The following PIEZO2 variants were observed in gnomAD, a reference collection of about 807,000 sequenced individuals.
The protein encoded by PIEZO2 is piezo type mechanosensitive ion channel component 2, also known as piezo-type mechanosensitive ion channel component 2.
Under a neutral mutation model 337.3 loss-of-function variants are expected in PIEZO2, and 172 were observed. The observed-to-expected ratio is 0.51, with a 90% CI of 0.45 to 0.58. The LOEUF (loss-of-function observed/expected upper bound fraction) is 0.58. Ranked by LOEUF, PIEZO2 falls within the 20% of genes least tolerant of loss-of-function variation. The pLI is 0.00. For synonymous variants in PIEZO2, 1,251 were observed against 1,228.5 expected, an observed-to-expected ratio of 1.02 and a Z score of -0.38; for missense variants, 3,028 against 3,391.3, an observed-to-expected ratio of 0.89 and a Z score of 2.66.
chr18:11,057,856 T>C (rs545473785), intron 2 of PIEZO2, among the ~76,000 whole-genome samples: 41 of 152,370 alleles, frequency 2.7e-4, no homozygotes, highest in Admixed American at 6.5e-4. Context: ...CTTTCACATT[T>C]TGTCATATAT....
At chr18:10,869,653 A>G (rs1445044126) in intron 5 of PIEZO2, among the ~76,000 whole-genome samples, 1 of 152,220 alleles carries the variant, frequency 6.6e-6, no homozygotes, top group Non-Finnish European at 1.5e-5. Context: ...CCTCTGTCTT[A>G]CAATTGGAAT....
intron 18 of PIEZO2, among the ~76,000 whole-genome samples, chr18:10,777,271 G>A (rs764581010): frequency 2.0e-5 from 3 of 152,158 alleles, no homozygotes; most frequent in Admixed American, 6.5e-5. Context: ...ATGTTCTAAC[G>A]GAGCAGATGA....
At chr18:11,034,711 G>A (rs1044431042) in intron 2 of PIEZO2, among the ~76,000 whole-genome samples, 1 of 152,136 alleles carries the variant, frequency 6.6e-6, no homozygotes, top group East Asian at 1.9e-4. Context: ...CAGAGGCTGG[G>A]TGCTGTGGCT....
rs112892423 is a variant in PIEZO2, at chr18:10,877,659, C to T, written c.330-6244G>A. Among the ~76,000 whole-genome samples the T allele has an allele frequency of 2.1e-3, 327 of 152,262 alleles. No individual in the cohort carries two copies. Among genetic ancestry groups the T allele is most frequent in the Non-Finnish European group, 4.0e-3 (274 of 68,010 alleles). Reference sequence around the variant, plus strand: ...AGCCCTCCCCTTTATCCCCACAGCCCGGTCTGGCCTCTGGGTGACGGTAGC... The same window carrying T: ...AGCCCTCCCCTTTATCCCCACAGCCTGGTCTGGCCTCTGGGTGACGGTAGC... On this transcript the variant is annotated intron_variant, in intron 4 of 55. Coordinates refer to ENST00000674853, the MANE Select transcript of PIEZO2 (RefSeq NM_001378183.1). This position sits in a 1 kb window ranked among gnomAD's most constrained non-coding sequence, Gnocchi z 5.3.
At chr18:10,728,954 CAAAA>C (rs143511795) in intron 36 of PIEZO2, among the ~76,000 whole-genome samples, 2 of 75,652 alleles carry the variant, frequency 2.6e-5, no homozygotes, top group African/African-American at 4.8e-5. Flanking sequence ...GACTCTGTCT[CAAAA>C]AAAAAAAAAA....
chr18:10,799,994 A>G (rs978702833), intron 11 of PIEZO2, among the ~76,000 whole-genome samples: 2 of 150,292 alleles, frequency 1.3e-5, no homozygotes, highest in African/African-American at 4.9e-5. Context: ...AAAAAAATTC[A>G]TATATTAACC....
At chr18:10,742,345 T>G in intron 32 of PIEZO2, 149 bp downstream of exon 32, 1 of 863,242 alleles carries the variant, frequency 1.2e-6, no homozygotes, top group East Asian at 2.7e-5. Flanking sequence ...AATATATCCA[T>G]TCACAATGGG....
chr18:11,034,759 C>T (rs1334036905), intron 2 of PIEZO2, among the ~76,000 whole-genome samples: 3 of 152,092 alleles, frequency 2.0e-5, no homozygotes, highest in Non-Finnish European at 2.9e-5. Context: ...GCAGGAGAAT[C>T]GCTTCAACCT....
rs982130670 is a variant in PIEZO2 at position 11,148,339 on chromosome 18, G to A, written c.64+186C>T. Among the ~76,000 whole-genome samples, 7 of 152,024 alleles carry A rather than the reference G, an allele frequency of 4.6e-5. No homozygotes were observed. Among genetic ancestry groups the A allele is most frequent in the African/African-American group, 9.7e-5 (4 of 41,400 alleles). On this transcript the variant is annotated intron_variant, in intron 1 of 55. Coordinates refer to ENST00000674853, the MANE Select transcript of PIEZO2 (RefSeq NM_001378183.1). The surrounding 1 kb of genome is among the most constrained non-coding windows in gnomAD (Gnocchi z 5.2). ...CGAGCATCCTGTTAAGAGATACCCCGATCGCGCGCCCCAGAGTGGGAAGTG... is the reference window on the plus strand; with the variant it reads ...CGAGCATCCTGTTAAGAGATACCCCAATCGCGCGCCCCAGAGTGGGAAGTG...
intron 2 of PIEZO2, among the ~76,000 whole-genome samples, chr18:10,994,951 AG>A (rs1480362585): frequency 1.3e-5 from 2 of 151,680 alleles, no homozygotes; most frequent in Non-Finnish European, 2.9e-5. Context: ...CAGGTGCCTT[AG>A]TCTCAGCTAC....
chr18:10,757,736 G>A (rs1422619822), intron 27 of PIEZO2, among the ~76,000 whole-genome samples: 1 of 151,956 alleles, frequency 6.6e-6, no homozygotes, highest in Non-Finnish European at 1.5e-5. Flanking sequence ...TGAAGAAGAG[G>A]AGGAGAACTG....
In PIEZO2 at chr18:11,096,892, TGGATGCTTTCATCTGCAGCCC is replaced by T. The variant is rs1213097377; in HGVS notation, c.65-30691_65-30671del. 3.3e-5 allele frequency among the ~76,000 whole-genome samples: 5 copies of T among 152,282 alleles called. No individual in the cohort carries two copies. The highest frequency in any genetic ancestry group is 1.2e-4 in the African/African-American group (5 of 41,562). ...CACAGTGGCAGAGAATCACCAAAGG[TGGATGCTTTCATCTGCAGCCC>T]TCCAATCCCTATCCTGGAGAAGGAA... On this transcript the variant is annotated intron_variant, in intron 1 of 55. Transcript: ENST00000674853. This position sits in a 1 kb window ranked among gnomAD's most constrained non-coding sequence, Gnocchi z 4.6.
chr18:10,977,301 C>CAT (rs111865766), intron 3 of PIEZO2, among the ~76,000 whole-genome samples: 5,417 of 145,606 alleles, frequency 0.037, 232 homozygotes, highest in African/African-American at 0.11. Flanking sequence ...GAATAAGTTA[C>CAT]ATATATATAT....
At chr18:10,763,154 A>T in intron 21 of PIEZO2, 56 bp from the exon 22 acceptor site, 1 of 1,487,620 alleles carries the variant, frequency 6.7e-7, no homozygotes, top group Non-Finnish European at 9.0e-7. Context: ...CATAACAAAC[A>T]GGACAGCCAC....
At chr18:11,036,908 C>T (rs77780897) in intron 2 of PIEZO2, among the ~76,000 whole-genome samples, 2,561 of 152,258 alleles carry the variant, frequency 0.017, 27 homozygotes, top group Non-Finnish European at 0.025. Context: ...ATAAACTCCA[C>T]GTGGACCCAG....
At position 10,748,752 on chromosome 18, in the gene PIEZO2, G is replaced by T; in HGVS notation, c.4265-122C>A. The T allele has an allele frequency of 5.8e-6, 5 of 869,536 alleles. No individual in the cohort carries two copies. Among genetic ancestry groups the T allele is most frequent in the South Asian group, 1.9e-5 (1 of 51,370 alleles). The allele number at this position is 869,536 out of a possible 1,614,324, so 53.9% of individuals were successfully genotyped here. A position where few individuals can be genotyped will look rare whatever the true frequency, so the allele number is the denominator to read the frequency against. ...CATAAAAGCAGCATTCTGATGCTCT[G>T]ACTTACTTATGAGTTGATTTATTTA... is the stretch of plus-strand genomic sequence containing the variant. On this transcript the variant is annotated intron_variant, in intron 29 of 55. Coordinates refer to ENST00000674853, the MANE Select transcript of PIEZO2 (RefSeq NM_001378183.1). The surrounding 1 kb of genome is among the most constrained non-coding windows in gnomAD (Gnocchi z 5.1).
chr18:11,089,761 G>C (rs1405883511), intron 1 of PIEZO2, among the ~76,000 whole-genome samples: 1 of 152,188 alleles, frequency 6.6e-6, no homozygotes, highest in Non-Finnish European at 1.5e-5. Context: ...GGAGGAAAAG[G>C]AGACGCCACA....
chr18:10,736,222 T>C lies in PIEZO2; in HGVS notation c.4815+382A>G, dbSNP rs58581375. 4.0e-3 allele frequency among the ~76,000 whole-genome samples: 612 copies of C among 152,346 alleles called. 1 individual carries two copies. Among genetic ancestry groups the C allele is most frequent in the African/African-American group, 0.014 (581 of 41,584 alleles). On this transcript the variant is annotated intron_variant, in intron 34 of 55. Coordinates refer to ENST00000674853, the MANE Select transcript of PIEZO2 (RefSeq NM_001378183.1). ...TCCACAACAAAGCAAGGATTTTGTT[T>C]TCATTATCGCCTTACATTGAATGTA...
intron 7 of PIEZO2, among the ~76,000 whole-genome samples, chr18:10,842,460 G>A (rs371103826): frequency 3.3e-5 from 5 of 152,086 alleles, no homozygotes; most frequent in Non-Finnish European, 5.9e-5. Flanking sequence ...TACTTGCCTC[G>A]AGAGCCAGTT....
Sources: gnomAD v4.1 joint callset for allele counts (sites outside exome capture counted in the v4.1 genomes callset) on GRCh38, gnomAD v4.1.1 for gene constraint, Gnocchi (gnomAD v3.1) non-coding constraint, MANE v1.5 for transcripts, NCBI Gene and HGNC (gene_info 2026-07-23, HGNC 2026-07-21) for gene names.